Variants in SEPTIN9 observed in about 807,000 individuals in gnomAD.
SEPTIN9 encodes septin 9.
Under a neutral mutation model 56.6 loss-of-function variants are expected in SEPTIN9, and 13 were observed. The observed-to-expected ratio is 0.23, with a 90% CI of 0.15 to 0.37. SEPTIN9 has a LOEUF of 0.37. Ranked by LOEUF, SEPTIN9 falls within the 10% of genes least tolerant of loss-of-function variation. The pLI is 1.00. For synonymous variants in SEPTIN9, 332 were observed against 334.1 expected, an observed-to-expected ratio of 0.99 and a Z score of 0.07; for missense variants, 650 against 823.1, an observed-to-expected ratio of 0.79 and a Z score of 2.57.
chr17:77,427,445 T>C (rs1311463028), intron 3 of SEPTIN9, among the ~76,000 whole-genome samples: 2 of 152,104 alleles, frequency 1.3e-5, no homozygotes, highest in Non-Finnish European at 2.9e-5. Flanking sequence ...CTAGACTGGG[T>C]TTTCCCTTCA....
At chr17:77,331,313 G>A (rs2033342579) in intron 2 of SEPTIN9, among the ~76,000 whole-genome samples, 1 of 152,208 alleles carries the variant, frequency 6.6e-6, no homozygotes, top group South Asian at 2.1e-4. Flanking sequence ...GAGGGAGAGA[G>A]GAAGAGGCTG....
intron 3 of SEPTIN9, among the ~76,000 whole-genome samples, chr17:77,454,702 C>T (rs530696623): frequency 6.6e-6 from 1 of 152,222 alleles, no homozygotes; most frequent in Non-Finnish European, 1.5e-5. Flanking sequence ...CGCTCAGCCT[C>T]TTCCTCCTCT....
intron 1 of SEPTIN9, among the ~76,000 whole-genome samples, chr17:77,283,597 A>G (rs926105543): frequency 3.9e-5 from 6 of 152,218 alleles, no homozygotes; most frequent in African/African-American, 1.4e-4. Context: ...CAATCCAAGG[A>G]CAACAGGAAG....
Position 77,318,521 on chromosome 17 carries a change from G to A in SEPTIN9, c.76+11324G>A, listed in dbSNP as rs1438196019. On this transcript the variant is annotated intron_variant, in intron 2 of 11. Transcript: ENST00000427177. This position sits in a 1 kb window ranked among gnomAD's most constrained non-coding sequence, Gnocchi z 4.9. The stretch of plus-strand genomic sequence containing the variant: ...TGGGGCCATTATTCAGCCTTCTCTC[G>A]TGACTATGATCCCTCCCTTCCTCCC... Among the ~76,000 whole-genome samples the A allele has an allele frequency of 6.6e-6, 1 of 152,092 alleles. No individual in the cohort carries two copies. Among genetic ancestry groups the A allele is most frequent in the Non-Finnish European group, 1.5e-5 (1 of 68,014 alleles).
chr17:77,415,081 G>T (rs964756346), intron 3 of SEPTIN9, among the ~76,000 whole-genome samples: 5 of 152,108 alleles, frequency 3.3e-5, no homozygotes, highest in Admixed American at 6.5e-5. Context: ...TGCTGCCACC[G>T]CTGGTGAGTG....
chr17:77,397,591 C>T (rs921853507), intron 2 of SEPTIN9, among the ~76,000 whole-genome samples: 2 of 152,168 alleles, frequency 1.3e-5, no homozygotes, highest in African/African-American at 4.8e-5. Flanking sequence ...GGGTGAAGGT[C>T]TAGTGCGTCC....
At chr17:77,299,668 G>T (rs1030923863) in intron 1 of SEPTIN9, among the ~76,000 whole-genome samples, 7 of 152,242 alleles carry the variant, frequency 4.6e-5, no homozygotes, top group Non-Finnish European at 1.0e-4. Flanking sequence ...GAGTCCCAAT[G>T]CCCACTGGTA....
chr17:77,406,593 T>C (rs1470984306), intron 3 of SEPTIN9, among the ~76,000 whole-genome samples: 1 of 152,098 alleles, frequency 6.6e-6, no homozygotes, highest in Non-Finnish European at 1.5e-5. Context: ...TTTTGCTGTA[T>C]AGTCTTCAAA....
At position 77,429,042 on chromosome 17, in the gene SEPTIN9, C is replaced by T. The variant is rs746069249; in HGVS notation, c.721+26339C>T. 14 of 471,416 alleles carry T rather than the reference C, an allele frequency of 3.0e-5. No homozygotes were observed. The highest frequency in any genetic ancestry group is 4.8e-5 in the Non-Finnish European group (11 of 227,154). The allele number at this position is 471,416 out of a possible 1,614,324, so 29.2% of individuals were successfully genotyped here. On this transcript the variant is annotated intron_variant, in intron 3 of 11. Coordinates refer to ENST00000427177, the MANE Select transcript of SEPTIN9 (RefSeq NM_001113491.2). This position sits in a 1 kb window ranked among gnomAD's most constrained non-coding sequence, Gnocchi z 5.2. ...GAATGGGAGCATCTCAGCAGCCCTC[C>T]GCCCCCTGCTCCTGGTTGCAGATGT...
At chr17:77,431,653 A>G (rs926177384) in intron 3 of SEPTIN9, among the ~76,000 whole-genome samples, 53 of 151,806 alleles carry the variant, frequency 3.5e-4, no homozygotes, top group Non-Finnish European at 6.3e-4. Flanking sequence ...ACATGGCGAA[A>G]CTCCATCTCT....
In SEPTIN9 at chr17:77,370,336, C is replaced by T. The variant is rs12601624; in HGVS notation, c.77-31723C>T. ...TCCTTGGCCTGTGGCTGCATCACTC[C>T]GGTCTCTGCCTCTGTCTTCACAAGG... is the stretch of plus-strand genomic sequence containing the variant. On this transcript the variant is annotated intron_variant, in intron 2 of 11. Coordinates refer to ENST00000427177, the MANE Select transcript of SEPTIN9 (RefSeq NM_001113491.2). 7.5e-4 allele frequency among the ~76,000 whole-genome samples: 114 copies of T among 152,320 alleles called. No individual in the cohort carries two copies. In the East Asian group the frequency reaches 0.015, roughly 20 times the overall value.
At chr17:77,320,835 A>G (rs993615837) in intron 2 of SEPTIN9, among the ~76,000 whole-genome samples, 1 of 152,218 alleles carries the variant, frequency 6.6e-6, no homozygotes, top group Non-Finnish European at 1.5e-5. Flanking sequence ...AGTTGATTAT[A>G]GAGGGGGAAG....
chr17:77,482,410 T>TG, intron 4 of SEPTIN9, 75 bp downstream of exon 4: 2 of 1,448,966 alleles, frequency 1.4e-6, no homozygotes, highest in Non-Finnish European at 1.9e-6. Context: ...CCACAAGCCT[T>TG]TGGGCTTGGT....
At position 77,313,234 on chromosome 17, in the gene SEPTIN9, G is replaced by GAGCGCC. The variant is rs891936220; in HGVS notation, c.76+6041_76+6046dup. ...CAGTCGGGGGCCCCCTCTAGGAATG[G>GAGCGCC]AGCGCCAGCTCCAGCTCCTGTCAGG... On this transcript the variant is annotated intron_variant, in intron 2 of 11. Coordinates refer to ENST00000427177, the MANE Select transcript of SEPTIN9 (RefSeq NM_001113491.2). The surrounding 1 kb of genome is among the most constrained non-coding windows in gnomAD (Gnocchi z 4.5). 6.6e-6 allele frequency among the ~76,000 whole-genome samples: 1 copy of GAGCGCC among 152,236 alleles called. No homozygotes were observed. Among genetic ancestry groups the GAGCGCC allele is most frequent in the Non-Finnish European group, 1.5e-5 (1 of 68,044 alleles).
At chr17:77,391,169 G>A (rs1455197782) in intron 2 of SEPTIN9, among the ~76,000 whole-genome samples, 1 of 152,156 alleles carries the variant, frequency 6.6e-6, no homozygotes, top group African/African-American at 2.4e-5. Context: ...TTTCAGAACC[G>A]GTGACTCAGT....
intron 2 of SEPTIN9, among the ~76,000 whole-genome samples, chr17:77,381,344 A>G (rs540027084): frequency 1.1e-3 from 170 of 152,276 alleles, no homozygotes; most frequent in African/African-American, 3.9e-3. Flanking sequence ...TGCTCCTGCC[A>G]GGTCAACAGC....
chr17:77,285,444 C>G (rs2031230071), intron 1 of SEPTIN9, among the ~76,000 whole-genome samples: 2 of 152,174 alleles, frequency 1.3e-5, no homozygotes, highest in Admixed American at 6.5e-5. Context: ...GTTGCCCAGG[C>G]TGGAGTGCAG....
At chr17:77,360,915 CTTTTTTTT>C (rs34718935) in intron 2 of SEPTIN9, among the ~76,000 whole-genome samples, 17 of 76,796 alleles carry the variant, frequency 2.2e-4, no homozygotes, top group African/African-American at 5.1e-4. Flanking sequence ...GTCTTTCATC[CTTTTTTTT>C]TTTTTTTTTT....
intron 3 of SEPTIN9, among the ~76,000 whole-genome samples, chr17:77,440,648 C>T (rs1414668220): frequency 6.6e-6 from 1 of 152,264 alleles, no homozygotes; most frequent in East Asian, 1.9e-4. Flanking sequence ...CACGCTCCCA[C>T]AGAAGCAGGG....
Sources: gnomAD v4.1 joint callset for allele counts (sites outside exome capture counted in the v4.1 genomes callset) on GRCh38, gnomAD v4.1.1 for gene constraint, Gnocchi (gnomAD v3.1) non-coding constraint, MANE v1.5 for transcripts, NCBI Gene and HGNC (gene_info 2026-07-23, HGNC 2026-07-21) for gene names.